Variants in RPS6KA5 observed in about 807,000 individuals in gnomAD.
RPS6KA5 encodes the protein ribosomal protein S6 kinase A5.
In RPS6KA5, 27 loss-of-function variants were observed where a neutral mutation model predicts 85.5. The ratio of observed to expected loss-of-function variants is 0.32; its 90% CI spans 0.23 to 0.44. The LOEUF (loss-of-function observed/expected upper bound fraction) is 0.44, where lower values mean the gene tolerates loss of function less well. RPS6KA5 is among the 20% of genes least tolerant of loss of function. The pLI is 1.00. For synonymous variants in RPS6KA5, 334 were observed against 348.2 expected, an observed-to-expected ratio of 0.96 and a Z score of 0.46; for missense variants, 811 against 980.9, an observed-to-expected ratio of 0.83 and a Z score of 2.31.
Position 90,863,673 on chromosome 14 carries a change from C to CA in RPS6KA5, c.*8400dup, listed in dbSNP as rs945600723. The CA allele has an allele frequency of 8.2e-4, 124 of 152,094 alleles. 1 individual carries two copies. Among genetic ancestry groups the CA allele is most frequent in the African/African-American group, 2.9e-3 (119 of 41,502 alleles). The allele number at this position is 152,094 out of a possible 1,614,324, so 9.4% of individuals were successfully genotyped here. On this transcript the variant is annotated 3_prime_UTR_variant, in exon 17 of 17. Transcript: ENST00000614987. ...CAATTTGATAATAAAGTAAAACTGTCAAAAACCTAGATATAAATCTAACCT... is the reference window on the plus strand; with the variant it reads ...CAATTTGATAATAAAGTAAAACTGTCAAAAAACCTAGATATAAATCTAACCT...
intron 9 of RPS6KA5, among the ~76,000 whole-genome samples, chr14:90,902,477 C>T (rs568752355): frequency 2.6e-5 from 4 of 151,642 alleles, no homozygotes; most frequent in African/African-American, 9.7e-5. Flanking sequence ...AGAGTGAGAC[C>T]CTGTCTATAT....
intron 1 of RPS6KA5, among the ~76,000 whole-genome samples, chr14:91,046,417 A>T (rs188280055): frequency 1.3e-5 from 2 of 152,334 alleles, no homozygotes; most frequent in Admixed American, 1.3e-4. Context: ...CACAAGTAAC[A>T]TTAGTATAAA....
intron 13 of RPS6KA5, among the ~76,000 whole-genome samples, chr14:90,891,204 G>A (rs887546937): frequency 1.3e-5 from 2 of 151,234 alleles, no homozygotes; most frequent in African/African-American, 4.9e-5. Context: ...GCCTGGCACA[G>A]ACATAGAGTA....
chr14:91,000,186 C>T (rs1268136775), intron 2 of RPS6KA5, among the ~76,000 whole-genome samples: 1 of 152,144 alleles, frequency 6.6e-6, no homozygotes, highest in Non-Finnish European at 1.5e-5. Flanking sequence ...TATATTTATT[C>T]ATATAATGTT....
At chr14:90,967,598 CTAAT>C (rs1411818473) in intron 3 of RPS6KA5, among the ~76,000 whole-genome samples, 5 of 152,112 alleles carry the variant, frequency 3.3e-5, no homozygotes, top group Non-Finnish European at 7.4e-5. Flanking sequence ...CTACCAGGGT[CTAAT>C]TACTTAGTAT....
intron 2 of RPS6KA5, among the ~76,000 whole-genome samples, chr14:90,981,987 T>A (rs1262417536): frequency 6.6e-6 from 1 of 152,222 alleles, no homozygotes; most frequent in Non-Finnish European, 1.5e-5. Context: ...CCACCTTACC[T>A]GGTTAAGCTG....
chr14:90,987,698 GCCA>G (rs764728398), intron 2 of RPS6KA5, among the ~76,000 whole-genome samples: 95 of 137,090 alleles, frequency 6.9e-4, no homozygotes, highest in South Asian at 3.4e-3. Context: ...AGCAGCAGCA[GCCA>G]CAACAACAAC....
At chr14:90,992,182 A>T (rs1056653850) in intron 2 of RPS6KA5, among the ~76,000 whole-genome samples, 1 of 152,224 alleles carries the variant, frequency 6.6e-6, no homozygotes, top group African/African-American at 2.4e-5. Flanking sequence ...TATTCATTAT[A>T]AAAGCTTCCA....
chr14:90,895,008 CCTCT>C (rs1315057081), intron 12 of RPS6KA5, among the ~76,000 whole-genome samples: 1 of 152,298 alleles, frequency 6.6e-6, no homozygotes, highest in African/African-American at 2.4e-5. Flanking sequence ...CCACTCCAAC[CCTCT>C]CTATCAAGTT....
At chr14:91,036,502 C>A (rs868020902) in intron 1 of RPS6KA5, among the ~76,000 whole-genome samples, 1 of 152,096 alleles carries the variant, frequency 6.6e-6, no homozygotes, top group Admixed American at 6.6e-5. Flanking sequence ...GATCCATGCA[C>A]ACAAATAACA....
chr14:90,962,882 T>C (rs2038880026), intron 3 of RPS6KA5, among the ~76,000 whole-genome samples: 1 of 152,218 alleles, frequency 6.6e-6, no homozygotes, highest in South Asian at 2.1e-4. Flanking sequence ...CCTCTACTCC[T>C]AAACATTTCA....
intron 10 of RPS6KA5, 30 bp downstream of exon 10, chr14:90,900,580 AT>A: frequency 1.3e-6 from 2 of 1,593,956 alleles, no homozygotes; most frequent in African/African-American, 2.7e-5. Context: ...AAACCTACAA[AT>A]ATGTCATATA....
intron 2 of RPS6KA5, among the ~76,000 whole-genome samples, chr14:90,980,865 C>T (rs1384639974): frequency 1.3e-5 from 2 of 152,172 alleles, no homozygotes; most frequent in Non-Finnish European, 2.9e-5. Context: ...TGATGGGAGG[C>T]TCTGTTTGAA....
At position 90,873,689 on chromosome 14, in the gene RPS6KA5, C is replaced by T. The variant is rs917502711; in HGVS notation, c.2103G>A (p.Pro701=). The T allele has an allele frequency of 1.2e-5, 19 of 1,614,126 alleles. No homozygotes were observed. Among genetic ancestry groups the T allele is most frequent in the African/African-American group, 4.0e-5 (3 of 75,050 alleles). The change falls in exon 16 of 17, where the codon CCG becomes CCA. Residue 701 remains proline, a synonymous_variant. Coordinates refer to ENST00000614987, the MANE Select transcript of RPS6KA5 (RefSeq NM_004755.4). ...CAGCTCCGGAAGATCCTAGAATATC[C>T]GGAGTCATCAGAGGATTGGAGGACA... ...SQLSSNPLMT[P]DILGSSGAAV...
intron 3 of RPS6KA5, among the ~76,000 whole-genome samples, chr14:90,958,668 CTTA>C (rs1279946125): frequency 6.6e-6 from 1 of 152,054 alleles, no homozygotes. Context: ...TATCTGAGCT[CTTA>C]TTATGCATCA....
At chr14:91,059,224 T>A (rs1256691653) in intron 1 of RPS6KA5, among the ~76,000 whole-genome samples, 1 of 129,904 alleles carries the variant, frequency 7.7e-6, no homozygotes, top group Non-Finnish European at 1.6e-5. Context: ...CCTGTAATCC[T>A]AGCTACTCCG....
At chr14:90,877,539 TC>T (rs1327620466) in intron 14 of RPS6KA5, among the ~76,000 whole-genome samples, 1 of 152,100 alleles carries the variant, frequency 6.6e-6, no homozygotes, top group African/African-American at 2.4e-5. Flanking sequence ...CTTACAACAT[TC>T]CCCTATCCAA....
At chr14:91,003,924 AG>A (rs1444111558) in intron 1 of RPS6KA5, among the ~76,000 whole-genome samples, 1 of 152,228 alleles carries the variant, frequency 6.6e-6, no homozygotes, top group Non-Finnish European at 1.5e-5. Context: ...ACAATCTTAA[AG>A]GGTATCTGCA....
chr14:91,003,167 C>G (rs1037947182), intron 1 of RPS6KA5, among the ~76,000 whole-genome samples: 1 of 151,964 alleles, frequency 6.6e-6, no homozygotes, highest in African/African-American at 2.4e-5. Flanking sequence ...CTGGTTCTTA[C>G]TATTAGGAAT....
Sources: allele counts gnomAD v4.1 joint callset (sites outside exome capture counted in the v4.1 genomes callset), GRCh38; gene constraint gnomAD v4.1.1; transcripts MANE v1.5; gene names NCBI Gene and HGNC (gene_info 2026-07-23, HGNC 2026-07-21).